ADAMTSL1: variants seen among roughly 807,000 people sequenced by gnomAD.
The protein encoded by ADAMTSL1 is ADAMTS-like protein 1.
Under a neutral mutation model 201.8 loss-of-function variants are expected in ADAMTSL1, and 126 were observed. The observed-to-expected ratio is 0.62, with a 90% CI of 0.54 to 0.72. The LOEUF (loss-of-function observed/expected upper bound fraction) is 0.72, where lower values mean the gene tolerates loss of function less well. Among genes scored for constraint, ADAMTSL1 ranks in the 30% least tolerant of loss-of-function variants. The pLI is 0.00. For missense variants in ADAMTSL1, 2,679 were observed against 2,277.8 expected, an observed-to-expected ratio of 1.18 and a Z score of -3.59; for synonymous variants, 1,121 against 903.4, an observed-to-expected ratio of 1.24 and a Z score of -4.32.
chr9:18,739,841 A>G (rs1400749047), intron 15 of ADAMTSL1, among the ~76,000 whole-genome samples: 2 of 151,958 alleles, frequency 1.3e-5, no homozygotes, highest in Non-Finnish European at 2.9e-5. Flanking sequence ...ATGTGTATGT[A>G]TCACGCATAT....
chr9:18,003,133 GC>G (rs745788820), intron 1 of ADAMTSL1, among the ~76,000 whole-genome samples: 6 of 151,940 alleles, frequency 3.9e-5, no homozygotes, highest in Non-Finnish European at 7.4e-5. Context: ...TGGGTAGAGA[GC>G]CCTAAGCACT....
chr9:18,018,454 C>T (rs116646099), intron 1 of ADAMTSL1, among the ~76,000 whole-genome samples: 474 of 152,130 alleles, frequency 3.1e-3, no homozygotes, highest in African/African-American at 0.011. Flanking sequence ...CTCTAATAGA[C>T]TATGGCATGG....
intron 1 of ADAMTSL1, among the ~76,000 whole-genome samples, chr9:17,992,080 G>T (rs1268732479): frequency 1.3e-5 from 2 of 152,120 alleles, no homozygotes; most frequent in African/African-American, 2.4e-5. Flanking sequence ...TGCCCCTTCT[G>T]TGGGTGTGAC....
At chr9:18,228,133 A>T (rs527698011) in intron 2 of ADAMTSL1, among the ~76,000 whole-genome samples, 84 of 152,322 alleles carry the variant, frequency 5.5e-4, no homozygotes, top group African/African-American at 1.9e-3. Flanking sequence ...TTACGAAGTC[A>T]TTGGAGGATA....
At chr9:18,808,022 G>T (rs1463469508) in intron 20 of ADAMTSL1, among the ~76,000 whole-genome samples, 2 of 152,114 alleles carry the variant, frequency 1.3e-5, no homozygotes, top group African/African-American at 4.8e-5. Flanking sequence ...GTAGGCTTAT[G>T]TTGATTTTTT....
At chr9:17,933,034 T>A (rs1826861574) in intron 1 of ADAMTSL1, among the ~76,000 whole-genome samples, 1 of 152,186 alleles carries the variant, frequency 6.6e-6, no homozygotes. Flanking sequence ...TGGTAGGTAC[T>A]GCTTAGATTA....
At chr9:18,630,819 G>C (rs1470732274) in intron 5 of ADAMTSL1, among the ~76,000 whole-genome samples, 3 of 152,140 alleles carry the variant, frequency 2.0e-5, no homozygotes, top group African/African-American at 7.2e-5. Flanking sequence ...CAATTACATA[G>C]AGCTAGCCAA....
chr9:18,328,181 C>T (rs947763866), intron 2 of ADAMTSL1, among the ~76,000 whole-genome samples: 5 of 152,196 alleles, frequency 3.3e-5, no homozygotes, highest in Admixed American at 6.5e-5. Flanking sequence ...CTGGGTACCA[C>T]TTCAGCTATT....
chr9:17,999,693 C>T (rs868355318), intron 1 of ADAMTSL1, among the ~76,000 whole-genome samples: 11 of 150,418 alleles, frequency 7.3e-5, no homozygotes, highest in South Asian at 2.1e-4. Context: ...CATGCTGGTG[C>T]GCTGCACCCA....
chr9:18,008,517 TC>T (rs1819922376), intron 1 of ADAMTSL1, among the ~76,000 whole-genome samples: 1 of 151,828 alleles, frequency 6.6e-6, no homozygotes. Context: ...GTATCAACAA[TC>T]CCAAATATTA....
chr9:18,391,319 T>A (rs1838035874), intron 2 of ADAMTSL1, among the ~76,000 whole-genome samples: 1 of 152,208 alleles, frequency 6.6e-6, no homozygotes, highest in South Asian at 2.1e-4. Context: ...GATTTTTTAG[T>A]GGGAATTACA....
intron 1 of ADAMTSL1, among the ~76,000 whole-genome samples, chr9:18,041,732 A>G (rs983359384): frequency 4.6e-5 from 7 of 152,160 alleles, no homozygotes; most frequent in African/African-American, 1.7e-4. Context: ...ATTGATATGA[A>G]AATCATGATT....
intron 23 of ADAMTSL1, among the ~76,000 whole-genome samples, chr9:18,851,976 T>G (rs1252954789): frequency 6.6e-6 from 1 of 152,186 alleles, no homozygotes; most frequent in Non-Finnish European, 1.5e-5. Flanking sequence ...TGCAACCAAT[T>G]ATCATTTTAG....
rs147084514 is a variant in ADAMTSL1, at chr9:18,140,472, G to A, written c.88-23390G>A. On this transcript the variant is annotated intron_variant, in intron 1 of 29. Coordinates refer to the ADAMTSL1 transcript ENST00000680146. ...GTACTGAATGAGCTGACTTTCTCCA[G>A]CAACAAGTTGGACACACATGTGTGA... is the stretch of plus-strand genomic sequence containing the variant. Among the ~76,000 whole-genome samples, 129 of 152,322 alleles carry A rather than the reference G, an allele frequency of 8.5e-4. 1 individual carries two copies. Among genetic ancestry groups the A allele is most frequent in the African/African-American group, 3.0e-3 (125 of 41,580 alleles).
At chr9:18,838,018 T>C (rs1224390716) in intron 23 of ADAMTSL1, among the ~76,000 whole-genome samples, 4 of 152,140 alleles carry the variant, frequency 2.6e-5, no homozygotes, top group African/African-American at 9.7e-5. Context: ...ATTAGCCTGT[T>C]TTCATGCTGC....
At chr9:18,893,900 A>C (rs185421228) in intron 26 of ADAMTSL1, among the ~76,000 whole-genome samples, 10 of 152,356 alleles carry the variant, frequency 6.6e-5, no homozygotes, top group African/African-American at 2.4e-4. Context: ...TAGCTCCAAC[A>C]ATCTGGCTTC....
chr9:18,293,374 G>A (rs989692837), intron 2 of ADAMTSL1, among the ~76,000 whole-genome samples: 1 of 152,096 alleles, frequency 6.6e-6, no homozygotes, highest in Non-Finnish European at 1.5e-5. Flanking sequence ...ATGTAGTTTG[G>A]TGACTTCTAC....
At position 18,886,615 on chromosome 9, in the gene ADAMTSL1, G is replaced by C. The variant is rs1316755205; in HGVS notation, c.4250-1216G>C. Among the ~76,000 whole-genome samples, 3 of 152,188 alleles carry C rather than the reference G, an allele frequency of 2.0e-5. No homozygotes were observed. The South Asian group carries it at 6.2e-4, about 32-fold the overall frequency. ...TGATATCGGTGAGGGCTTGCTGTCT[G>C]CTTCATAGATGGCAGCTTCTCATTG... On this transcript the variant is annotated intron_variant, in intron 23 of 28. Coordinates refer to ENST00000380548, the MANE Select transcript of ADAMTSL1 (RefSeq NM_001040272.6).
At chr9:18,553,625 G>A (rs1564041056) in intron 3 of ADAMTSL1, among the ~76,000 whole-genome samples, 1 of 151,704 alleles carries the variant, frequency 6.6e-6, no homozygotes, top group Non-Finnish European at 1.5e-5. Flanking sequence ...AGTGCTTTTG[G>A]TTTTCTGTAT....
Sources: allele counts gnomAD v4.1 joint callset (sites outside exome capture counted in the v4.1 genomes callset), GRCh38; gene constraint gnomAD v4.1.1; transcripts MANE v1.5; gene names NCBI Gene and HGNC (gene_info 2026-07-23, HGNC 2026-07-21).